Variants in MAP3K15 observed in about 807,000 individuals in gnomAD.
MAP3K15 encodes the protein MAPK/ERK kinase kinase 15.
In MAP3K15, 124 loss-of-function variants were observed where a neutral mutation model predicts 99.5. The ratio of observed to expected loss-of-function variants is 1.25; its 90% CI spans 1.08 to 1.45. The LOEUF (loss-of-function observed/expected upper bound fraction) is 1.45, where lower values mean the gene tolerates loss of function less well. MAP3K15 is among the 40% of genes most tolerant of loss of function. MAP3K15 has a pLI of 0.00. For synonymous variants in MAP3K15, 494 were observed against 439.6 expected (o/e 1.12, Z -1.55); for missense variants, 1,242 against 1,079.7 (o/e 1.15, Z -2.11).
chrX:19,375,836 T>C (rs1441694000), intron 19 of MAP3K15, among the ~76,000 whole-genome samples: 1 of 112,310 alleles, frequency 8.9e-6, no homozygotes, highest in Non-Finnish European at 1.9e-5. Context: ...ACAGCGCTCC[T>C]CCTGGCCAGG....
intron 3 of MAP3K15, among the ~76,000 whole-genome samples, chrX:19,469,350 G>C (rs866087919): frequency 9.0e-6 from 1 of 111,268 alleles, no homozygotes; most frequent in African/African-American, 3.3e-5. Context: ...TAGCCATATG[G>C]AGAAAGCTGA....
rs2063375116 is a variant in MAP3K15 at position 19,371,457 on chromosome X, G to A, written c.3182C>T (p.Ser1061Phe). Residue 1061 changes from serine to phenylalanine, a missense_variant, in exon 23 of 29, where the codon TCC (serine) becomes TTC (phenylalanine). Transcript: ENST00000338883. ...GGTCGCCATCACCCGGTGCTCTGGG[G>A]AGCGGATGAAGTCCCTCAGGATCCC... ...IIGILRDFIR[S>F]PEHRVMATTI... 1 of 1,210,698 alleles carries A rather than the reference G, an allele frequency of 8.3e-7. No individual in the cohort carries two copies. Among genetic ancestry groups the A allele is most frequent in the Non-Finnish European group, 1.1e-6 (1 of 894,581 alleles).
intron 3 of MAP3K15, among the ~76,000 whole-genome samples, chrX:19,469,432 A>T (rs1457643347): frequency 8.0e-5 from 9 of 112,144 alleles, no homozygotes; most frequent in South Asian, 3.7e-4. Flanking sequence ...TGTTAGACCT[A>T]AAACCATAAA....
intron 6 of MAP3K15, among the ~76,000 whole-genome samples, chrX:19,446,180 A>G (rs900970197): frequency 8.9e-6 from 1 of 111,871 alleles, no homozygotes; most frequent in Non-Finnish European, 1.9e-5. Flanking sequence ...ACTAGGAAGC[A>G]AAGTGAGAAA....
At chrX:19,495,359 A>G (rs1416120001) in intron 1 of MAP3K15, among the ~76,000 whole-genome samples, 4 of 111,592 alleles carry the variant, frequency 3.6e-5, no homozygotes, top group Non-Finnish European at 3.8e-5. Flanking sequence ...GAAGGAGCCA[A>G]TATACCAATT....
intron 6 of MAP3K15, among the ~76,000 whole-genome samples, chrX:19,450,701 T>C (rs1263236456): frequency 9.2e-6 from 1 of 108,678 alleles, no homozygotes; most frequent in Non-Finnish European, 1.9e-5. Flanking sequence ...ATAAATAAGT[T>C]AGTAAATAAA....
At chrX:19,417,500 C>T (rs1329310184) in intron 9 of MAP3K15, among the ~76,000 whole-genome samples, 2 of 111,659 alleles carry the variant, frequency 1.8e-5, no homozygotes, top group East Asian at 5.7e-4. Flanking sequence ...GGGGGAGGGG[C>T]GCCCACCACT....
chrX:19,405,682 C>T (rs1179876658), intron 13 of MAP3K15, among the ~76,000 whole-genome samples: 1 of 112,175 alleles, frequency 8.9e-6, no homozygotes, highest in African/African-American at 3.2e-5. Context: ...ACTGTAATTA[C>T]ACAAGTCAGT....
At chrX:19,362,884 C>T (rs1429344982) in intron 25 of MAP3K15, 34 bp from the exon 26 acceptor site, 4 of 790,434 alleles carry the variant, frequency 5.1e-6, no homozygotes, top group Middle Eastern at 3.3e-4. Flanking sequence ...AGCCATTATC[C>T]AGAGAGCATT....
intron 4 of MAP3K15, 130 bp from the exon 5 acceptor site, chrX:19,460,283 C>T: frequency 5.5e-6 from 2 of 363,197 alleles, no homozygotes; most frequent in South Asian, 1.6e-4. Flanking sequence ...CCTGAGCCTC[C>T]CTGCACCAGC....
At chrX:19,426,940 G>A (rs1446688290) in intron 7 of MAP3K15, among the ~76,000 whole-genome samples, 1 of 108,070 alleles carries the variant, frequency 9.3e-6, no homozygotes, top group African/African-American at 3.4e-5. Flanking sequence ...ATATAAAATA[G>A]GGAAATCATC....
At chrX:19,367,259 G>A (rs2063340630) in intron 25 of MAP3K15, among the ~76,000 whole-genome samples, 1 of 111,052 alleles carries the variant, frequency 9.0e-6, no homozygotes, top group Non-Finnish European at 1.9e-5. Flanking sequence ...ACCACGTGCC[G>A]TGGGAGCTAA....
At chrX:19,363,801 C>T (rs965585459) in intron 25 of MAP3K15, among the ~76,000 whole-genome samples, 2 of 110,652 alleles carry the variant, frequency 1.8e-5, no homozygotes, top group Non-Finnish European at 1.9e-5. Context: ...TACAGGCATG[C>T]GCCACCATGC....
At chrX:19,463,115 CAGTT>C (rs1036566250) in intron 4 of MAP3K15, among the ~76,000 whole-genome samples, 1 of 112,021 alleles carries the variant, frequency 8.9e-6, no homozygotes, top group African/African-American at 3.2e-5. Context: ...AATCAGACAA[CAGTT>C]AGCAAGGCAT....
At chrX:19,377,249 T>C (rs771994074) in intron 19 of MAP3K15, among the ~76,000 whole-genome samples, 3 of 112,790 alleles carry the variant, frequency 2.7e-5, no homozygotes, top group African/African-American at 9.7e-5. Context: ...AAAAAGTCAG[T>C]ACATTTTCAA....
chrX:19,361,295 T>G, intron 28 of MAP3K15, 44 bp downstream of exon 28: 1 of 1,057,504 alleles, frequency 9.5e-7, no homozygotes, highest in African/African-American at 1.8e-5. Flanking sequence ...TATTCACACA[T>G]AAAAAGTTGT....
chrX:19,502,021 G>A (rs760038211), intron 1 of MAP3K15, among the ~76,000 whole-genome samples: 363 of 112,515 alleles, frequency 3.2e-3, no homozygotes, highest in Non-Finnish European at 4.6e-3. Flanking sequence ...AGCCAAGACC[G>A]TGCCACTGCA....
rs780108276 is a variant in MAP3K15 at position 19,514,993 on chromosome X, G to T, written c.269C>A (p.Ala90Asp). ...EAGARQCLLR[A>D]CEAEGAHLTS... ...GAGGTGAGCGCCCTCGGCCTCGCAGGCCCGCAGCAGGCACTGCCGCGCCCC... is the reference window on the plus strand; with the variant it reads ...GAGGTGAGCGCCCTCGGCCTCGCAGTCCCGCAGCAGGCACTGCCGCGCCCC... The change falls in exon 1 of 29, where the codon GCC (alanine) becomes GAC (aspartate). Residue 90 changes from alanine to aspartate, a missense_variant. Ala to Asp is a moderately radical substitution (Grantham distance 126). Coordinates refer to ENST00000338883, the MANE Select transcript of MAP3K15 (RefSeq NM_001001671.4). 2 of 1,113,780 alleles carry T rather than the reference G, an allele frequency of 1.8e-6. No individual in the cohort carries two copies. Among genetic ancestry groups the T allele is most frequent in the African/African-American group, 1.9e-5 (1 of 51,390 alleles). 91.8% of individuals were successfully genotyped at this position (1,113,780 alleles called of 1,213,427 possible). A position where few individuals can be genotyped will look rare whatever the true frequency, so the allele number is the denominator to read the frequency against.
In MAP3K15 at chrX:19,426,278, A is replaced by G. The variant is rs767378215; in HGVS notation, c.1232T>C (p.Ile411Thr). 7.7e-6 allele frequency: 9 copies of G among 1,172,487 alleles called. No homozygotes were observed. The highest frequency in any genetic ancestry group is 6.8e-6 in the Non-Finnish European group (6 of 881,016). ...AGTTTCAAATTGTTGTCCAGCAACA[A>G]TCAGCAAAACTGCAAGATTAATTCC... is the stretch of plus-strand genomic sequence containing the variant. ...YSGINLAVLL[I>T]VAGQQFETSL... Residue 411 changes from isoleucine (I) to threonine (T), a missense_variant, in exon 8 of 29, where the codon ATT becomes ACT. Transcript: ENST00000338883.
Sources: allele counts gnomAD v4.1 joint callset (sites outside exome capture counted in the v4.1 genomes callset), GRCh38; gene constraint gnomAD v4.1.1; transcripts MANE v1.5; gene names NCBI Gene and HGNC (gene_info 2026-07-23, HGNC 2026-07-21).